Variants in RPAP2 observed in about 807,000 individuals in gnomAD.
The protein encoded by RPAP2 is putative RNA polymerase II subunit B1 CTD phosphatase RPAP2.
In RPAP2, 52 loss-of-function variants were observed where a neutral mutation model predicts 73.1. That is an observed-to-expected ratio of 0.71 (90% CI 0.57 to 0.90). The LOEUF (loss-of-function observed/expected upper bound fraction) is 0.90. RPAP2 is among the 40% of genes least tolerant of loss of function. The probability of loss-of-function intolerance (pLI) is 0.00; values close to 1 mark genes in which losing one functional copy is unlikely to be tolerated. For synonymous variants in RPAP2, 225 were observed against 242.1 expected, an observed-to-expected ratio of 0.93 and a Z score of 0.65; for missense variants, 598 against 701.8, an observed-to-expected ratio of 0.85 and a Z score of 1.67.
intron 5 of RPAP2, among the ~76,000 whole-genome samples, chr1:92,305,415 A>G (rs939322637): frequency 7.6e-6 from 1 of 131,802 alleles, no homozygotes; most frequent in Non-Finnish European, 1.6e-5. Flanking sequence ...CCGGGGCAAC[A>G]GAGTGAGGCT....
At chr1:92,365,721 T>C (rs1192995418) in intron 11 of RPAP2, among the ~76,000 whole-genome samples, 4 of 152,366 alleles carry the variant, frequency 2.6e-5, no homozygotes, top group African/African-American at 9.6e-5. Flanking sequence ...TACGTTTTAT[T>C]TGGTTATGAC....
At chr1:92,380,968 A>G (rs1190510874) in intron 12 of RPAP2, 95 bp downstream of exon 12, 8 of 1,080,608 alleles carry the variant, frequency 7.4e-6, no homozygotes, top group African/African-American at 6.6e-5. Flanking sequence ...AAAACCAAGT[A>G]CAGACCTCAA....
chr1:92,377,625 A>C (rs958786629), intron 11 of RPAP2, among the ~76,000 whole-genome samples: 1 of 151,862 alleles, frequency 6.6e-6, no homozygotes, highest in African/African-American at 2.4e-5. Context: ...AGCCCTGAAC[A>C]GTTGAAATGG....
chr1:92,368,656 G>C (rs996859268), intron 11 of RPAP2, among the ~76,000 whole-genome samples: 28 of 152,150 alleles, frequency 1.8e-4, no homozygotes, highest in African/African-American at 4.8e-4. Flanking sequence ...TCTTGATTCA[G>C]TTATCTTGCC....
intron 8 of RPAP2, among the ~76,000 whole-genome samples, chr1:92,330,032 G>A (rs899259514): frequency 2.6e-5 from 4 of 152,170 alleles, no homozygotes; most frequent in Admixed American, 6.5e-5. Context: ...AAAAAGGTAG[G>A]AGTGGACCAC....
At chr1:92,323,330 T>A (rs957002935) in intron 7 of RPAP2, 115 bp from the exon 8 acceptor site, 1 of 615,660 alleles carries the variant, frequency 1.6e-6, no homozygotes, top group Non-Finnish European at 2.6e-6. Flanking sequence ...GAATAAAAAT[T>A]TCTACCTTGA....
rs1655962859 is a variant in RPAP2 at position 92,389,077 on chromosome 1, A to T, written c.*2066A>T. 1 of 152,422 alleles carries T rather than the reference A, an allele frequency of 6.6e-6. No individual in the cohort carries two copies. The allele number at this position is 152,422 out of a possible 1,614,324, so 9.4% of individuals were successfully genotyped here. ...GCGTTCAAGCTCCGATAATAGACAG[A>T]CTGCCTCCTCAAGTGGGTCCCTGAC... On this transcript the variant is annotated 3_prime_UTR_variant, in exon 13 of 13. Coordinates refer to ENST00000610020, the MANE Select transcript of RPAP2 (RefSeq NM_024813.3).
At chr1:92,353,471 T>C (rs993270936) in intron 11 of RPAP2, among the ~76,000 whole-genome samples, 1 of 152,204 alleles carries the variant, frequency 6.6e-6, no homozygotes, top group Non-Finnish European at 1.5e-5. Context: ...CAATTTCTTA[T>C]GTTTTAGGAA....
At chr1:92,302,499 A>G (rs995764112) in intron 3 of RPAP2, among the ~76,000 whole-genome samples, 1 of 151,516 alleles carries the variant, frequency 6.6e-6, no homozygotes, top group South Asian at 2.1e-4. Flanking sequence ...ATTTTTGTCA[A>G]TGTAATTTCA....
intron 12 of RPAP2, among the ~76,000 whole-genome samples, chr1:92,386,766 T>A (rs1655878960): frequency 6.6e-6 from 1 of 152,144 alleles, no homozygotes; most frequent in Admixed American, 6.5e-5. Flanking sequence ...AATGGTGCAA[T>A]CTTGGCTCAC....
chr1:92,352,499 C>T (rs1200986388), intron 11 of RPAP2, among the ~76,000 whole-genome samples: 1 of 152,128 alleles, frequency 6.6e-6, no homozygotes, highest in Non-Finnish European at 1.5e-5. Context: ...AATCTGTGAA[C>T]ATACCATGAA....
intron 6 of RPAP2, among the ~76,000 whole-genome samples, chr1:92,314,353 T>G (rs1052203293): frequency 3.4e-5 from 5 of 148,536 alleles, no homozygotes; most frequent in African/African-American, 4.9e-5. Flanking sequence ...GTTTTTGGGT[T>G]TTTTTTTTTT....
At chr1:92,305,979 T>C (rs1557589339) in intron 5 of RPAP2, among the ~76,000 whole-genome samples, 1 of 152,192 alleles carries the variant, frequency 6.6e-6, no homozygotes, top group Non-Finnish European at 1.5e-5. Flanking sequence ...CCAGCATGTA[T>C]GTATAAAAAT....
At chr1:92,329,456 C>T (rs1240831740) in intron 8 of RPAP2, among the ~76,000 whole-genome samples, 3 of 152,210 alleles carry the variant, frequency 2.0e-5, no homozygotes, top group Non-Finnish European at 4.4e-5. Context: ...CGTGCCCCCA[C>T]AACAGCACCA....
intron 3 of RPAP2, among the ~76,000 whole-genome samples, chr1:92,303,054 A>C (rs1650974979): frequency 6.6e-6 from 1 of 152,194 alleles, no homozygotes; most frequent in African/African-American, 2.4e-5. Flanking sequence ...GAGAATAAAA[A>C]AATTTTGAAA....
chr1:92,310,893 A>G (rs962083858), intron 6 of RPAP2, among the ~76,000 whole-genome samples: 1 of 152,292 alleles, frequency 6.6e-6, no homozygotes. Flanking sequence ...CGAGACTAAG[A>G]ATAAATTGTT....
At chr1:92,378,497 G>A (rs1014834107) in intron 11 of RPAP2, among the ~76,000 whole-genome samples, 1 of 152,164 alleles carries the variant, frequency 6.6e-6, no homozygotes, top group African/African-American at 2.4e-5. Flanking sequence ...ACAGGCATGA[G>A]CCATCGCGCC....
At chr1:92,353,873 T>C (rs1654334189) in intron 11 of RPAP2, among the ~76,000 whole-genome samples, 1 of 152,192 alleles carries the variant, frequency 6.6e-6, no homozygotes, top group Non-Finnish European at 1.5e-5. Context: ...AAAGAAATAA[T>C]ACTTGTTCAA....
intron 11 of RPAP2, among the ~76,000 whole-genome samples, chr1:92,368,642 T>C (rs1655024434): frequency 1.3e-5 from 2 of 152,200 alleles, no homozygotes; most frequent in South Asian, 4.1e-4. Context: ...ATTAAAAATC[T>C]CTCTCTTGAT....
Sources: gnomAD v4.1 joint callset for allele counts (sites outside exome capture counted in the v4.1 genomes callset) on GRCh38, gnomAD v4.1.1 for gene constraint, MANE v1.5 for transcripts, NCBI Gene and HGNC (gene_info 2026-07-23, HGNC 2026-07-21) for gene names.